Variants in TYR observed in about 807,000 individuals in gnomAD.
TYR encodes the protein LB24-AB.
In TYR, 58 loss-of-function variants were observed where a neutral mutation model predicts 51.5. The ratio of observed to expected loss-of-function variants is 1.13; its 90% confidence interval spans 0.91 to 1.40. TYR has a LOEUF of 1.40. TYR is among the 40% of genes most tolerant of loss of function. The pLI, the probability that TYR is intolerant of heterozygous loss-of-function variation, is 0.00. For missense variants in TYR, 732 were observed against 647.4 expected (o/e 1.13, Z -1.42); for synonymous variants, 263 against 235.2 (o/e 1.12, Z -1.08).
intron 3 of TYR, among the ~76,000 whole-genome samples, chr11:89,262,847 C>CAAAAAAAAAAAAAAAAAAAAAAAAA (rs771958187): frequency 1.2e-3 from 24 of 19,296 alleles, no homozygotes; most frequent in Admixed American, 2.2e-3. Flanking sequence ...GCTACTCATC[C>CAAAAAAAAAAAAAAAAAAAAAAAAA]AAAAAAAAAA....
intron 3 of TYR, among the ~76,000 whole-genome samples, chr11:89,280,753 C>T (rs1289031831): frequency 6.6e-6 from 1 of 151,074 alleles, no homozygotes; most frequent in Admixed American, 6.6e-5. Context: ...TATTAAAAGC[C>T]ATATGTTTTA....
In TYR at chr11:89,248,804, A is replaced by T. The variant is rs142881289; in HGVS notation, c.1184+20834A>T. Among the ~76,000 whole-genome samples the T allele has an allele frequency of 7.1e-3, 1,078 of 152,298 alleles. 9 individuals carry two copies. The highest frequency in any genetic ancestry group is 0.022 in the Admixed American group (338 of 15,282). Reference sequence around the variant, plus strand: ...ATTGCATTGGTCTAAATGAGAAATGATGGTGATTTCAACCACAGAGGTGAC... The same window carrying T: ...ATTGCATTGGTCTAAATGAGAAATGTTGGTGATTTCAACCACAGAGGTGAC... On this transcript the variant is annotated intron_variant, in intron 3 of 4. Transcript: ENST00000263321.
chr11:89,257,457 C>T (rs187378536), intron 3 of TYR, among the ~76,000 whole-genome samples: 2 of 151,942 alleles, frequency 1.3e-5, no homozygotes, highest in South Asian at 2.1e-4. Flanking sequence ...CCATATTATC[C>T]GTCTCTGGGA....
chr11:89,295,125 G>A lies in TYR; in HGVS notation c.1367-18G>A, dbSNP rs369649238. ...ATGGTGGTAACAATAAAAACAATGG[G>A]ATGTCTTTTTATTTCAGACCCAGAC... On this transcript the variant is annotated intron_variant, in intron 4 of 4. Transcript: ENST00000263321. The A allele has an allele frequency of 5.2e-4, 845 of 1,613,114 alleles. No homozygotes were observed. The highest frequency in any genetic ancestry group is 6.6e-4 in the Non-Finnish European group (780 of 1,179,612).
rs925570181 is a variant in TYR at position 89,215,375 on chromosome 11, TG to T, written c.1037-12442del. On this transcript the variant is annotated intron_variant, in intron 2 of 4. Coordinates refer to ENST00000263321, the MANE Select transcript of TYR (RefSeq NM_000372.5). ...GATGGGGAACATCCCTGTTTGGGGG[TG>T]GGGGGCTGGGGGAGGGATAGTGTTA... Among the ~76,000 whole-genome samples, 15 of 17,226 alleles carry T rather than the reference TG, an allele frequency of 8.7e-4. 1 individual carries two copies. The highest frequency in any genetic ancestry group is 3.3e-3 in the Admixed American group (5 of 1,518). The allele number at this position is 17,226 out of a possible 152,430, so 11.3% of individuals were successfully genotyped here.
At chr11:89,208,188 T>A (rs1291307281) in intron 2 of TYR, among the ~76,000 whole-genome samples, 1 of 152,200 alleles carries the variant, frequency 6.6e-6, no homozygotes, top group Non-Finnish European at 1.5e-5. Context: ...GAGAATGGTG[T>A]GAATCCAGGA....
chr11:89,285,317 C>T (rs989107940), intron 4 of TYR, among the ~76,000 whole-genome samples: 1 of 151,636 alleles, frequency 6.6e-6, no homozygotes, highest in Non-Finnish European at 1.5e-5. Flanking sequence ...AATACTGGGA[C>T]CAGAACACAT....
intron 3 of TYR, among the ~76,000 whole-genome samples, chr11:89,248,343 A>G (rs1364771796): frequency 6.6e-6 from 1 of 152,212 alleles, no homozygotes; most frequent in Admixed American, 6.5e-5. Flanking sequence ...TATATATTTT[A>G]TAAAGAATTA....
intron 3 of TYR, among the ~76,000 whole-genome samples, chr11:89,230,629 C>G (rs780005813): frequency 9.2e-5 from 14 of 151,860 alleles, no homozygotes; most frequent in Non-Finnish European, 1.5e-4. Context: ...GCAAACTATA[C>G]CTCTGATAAG....
intron 3 of TYR, among the ~76,000 whole-genome samples, chr11:89,257,709 AT>A (rs566716818): frequency 5.3e-4 from 80 of 151,992 alleles, no homozygotes; most frequent in African/African-American, 1.9e-3. Flanking sequence ...TTATTTATGT[AT>A]TTTTTTTACT....
At chr11:89,256,060 T>C (rs77733895) in intron 3 of TYR, among the ~76,000 whole-genome samples, 4,567 of 151,866 alleles carry the variant, frequency 0.03, 237 homozygotes, top group African/African-American at 0.1. Context: ...ATATGGTTTG[T>C]TATAGAATCA....
At chr11:89,215,745 G>C (rs1238264956) in intron 2 of TYR, among the ~76,000 whole-genome samples, 2 of 152,006 alleles carry the variant, frequency 1.3e-5, no homozygotes, top group African/African-American at 4.8e-5. Context: ...TGTTCATAGT[G>C]TTACTAAGAA....
intron 4 of TYR, chr11:89,293,938 T>A: frequency 6.2e-6 from 2 of 322,138 alleles, no homozygotes; most frequent in South Asian, 3.4e-5. Flanking sequence ...AGATCTCTGG[T>A]GAAGCCTCTT....
chr11:89,211,324 TTAAAC>T (rs1289507233), intron 2 of TYR, among the ~76,000 whole-genome samples: 3 of 151,054 alleles, frequency 2.0e-5, no homozygotes, highest in Non-Finnish European at 4.5e-5. Flanking sequence ...ATCCTGGTCT[TTAAAC>T]TAACAAAAAT....
chr11:89,259,737 C>G (rs1944435348), intron 3 of TYR, among the ~76,000 whole-genome samples: 2 of 152,110 alleles, frequency 1.3e-5, no homozygotes, highest in African/African-American at 4.8e-5. Flanking sequence ...ATCTTTCCTT[C>G]CAAGCTGGCA....
chr11:89,229,180 G>C lies in TYR; in HGVS notation c.1184+1210G>C, dbSNP rs75786923. Among the ~76,000 whole-genome samples, 621 of 152,134 alleles carry C rather than the reference G, an allele frequency of 4.1e-3. 6 individuals carry two copies. The highest frequency in any genetic ancestry group is 0.014 in the African/African-American group (595 of 41,486). ...AAATAAGAAAGTGACCATTATCCAG[G>C]AAAATCATTAGGCAGATTTTTATTG... On this transcript the variant is annotated intron_variant, in intron 3 of 4. Transcript: ENST00000263321.
intron 2 of TYR, among the ~76,000 whole-genome samples, chr11:89,216,849 T>C (rs1225378174): frequency 2.0e-5 from 3 of 152,114 alleles, no homozygotes; most frequent in Non-Finnish European, 4.4e-5. Flanking sequence ...GTGGGAAGAA[T>C]AGCGTATGAC....
intron 2 of TYR, among the ~76,000 whole-genome samples, chr11:89,212,773 GCTGGTT>G (rs1383809656): frequency 6.6e-6 from 1 of 152,112 alleles, no homozygotes; most frequent in Non-Finnish European, 1.5e-5. Context: ...GGGATGCAAG[GCTGGTT>G]CAACATACAC....
At chr11:89,219,441 C>T (rs1175485731) in intron 2 of TYR, among the ~76,000 whole-genome samples, 1 of 151,832 alleles carries the variant, frequency 6.6e-6, no homozygotes, top group Non-Finnish European at 1.5e-5. Flanking sequence ...GGACTACAGA[C>T]ATGCACCATC....
Sources: gnomAD v4.1 joint callset for allele counts (sites outside exome capture counted in the v4.1 genomes callset) on GRCh38, gnomAD v4.1.1 for gene constraint, MANE v1.5 for transcripts, NCBI Gene and HGNC (gene_info 2026-07-23, HGNC 2026-07-21) for gene names.